DAAM2: variants seen among roughly 807,000 people sequenced by gnomAD.
The protein encoded by DAAM2 is disheveled-associated activator of morphogenesis 2.
A neutral mutation model predicts 120.7 loss-of-function variants in DAAM2; 39 were observed. That is an observed-to-expected ratio of 0.32 (90% CI 0.25 to 0.42). DAAM2 has a LOEUF of 0.42. DAAM2 is among the 10% of genes least tolerant of loss of function. The pLI is 1.00. For synonymous variants in DAAM2, 488 were observed against 524.9 expected (o/e 0.93, Z 0.96); for missense variants, 1,283 against 1,401.7 (o/e 0.92, Z 1.35).
chr6:39,796,957 C>T (rs9471167), intron 1 of DAAM2, among the ~76,000 whole-genome samples: 2,690 of 152,234 alleles, frequency 0.018, 79 homozygotes, highest in African/African-American at 0.06. Flanking sequence ...GTTCTAAGTC[C>T]GTGAAAATAC....
chr6:39,879,708 T>C, intron 14 of DAAM2: 1 of 611,662 alleles, frequency 1.6e-6, no homozygotes, highest in South Asian at 1.9e-5. Context: ...GTTGACAAAG[T>C]CATCTACAAA....
chr6:39,846,385 G>A (rs1209988242), intron 1 of DAAM2, among the ~76,000 whole-genome samples: 1 of 152,148 alleles, frequency 6.6e-6, no homozygotes, highest in Non-Finnish European at 1.5e-5. Flanking sequence ...TCTAGTGATG[G>A]GGTAGAAGAA....
At chr6:39,802,384 C>A (rs957995557) in intron 1 of DAAM2, among the ~76,000 whole-genome samples, 8 of 152,082 alleles carry the variant, frequency 5.3e-5, no homozygotes, top group Admixed American at 3.3e-4. Context: ...CTCTCTGTGC[C>A]TTAGTTTCCT....
intron 17 of DAAM2, among the ~76,000 whole-genome samples, chr6:39,889,744 C>G (rs1359357342): frequency 6.6e-6 from 1 of 152,134 alleles, no homozygotes. Flanking sequence ...GATAAACAAC[C>G]AATTAACACA....
chr6:39,798,688 A>G (rs1179958283), intron 1 of DAAM2, among the ~76,000 whole-genome samples: 1 of 152,166 alleles, frequency 6.6e-6, no homozygotes, highest in Non-Finnish European at 1.5e-5. Context: ...TCTCAAGAAC[A>G]GTGCACCTGT....
rs370249895 is a variant in DAAM2 at position 39,902,006 on chromosome 6, G to A, written c.3176G>A (p.Arg1059Gln). The change falls in exon 25 of 25, where the codon CGG becomes CAG. Residue 1059 changes from arginine to glutamine, a missense_variant. Arg to Gln is a conservative substitution (Grantham distance 43). Around this residue, in one of 3 missense-constraint regions of DAAM2, gnomAD observed 748 missense variants for 768.6 expected, o/e 0.97. Coordinates refer to ENST00000274867, the MANE Select transcript of DAAM2 (RefSeq NM_001201427.2). ...GGGAGCCAGGCCCTGGAAGTTACCC[G>A]GGAGCGGGCAATAAACCGGCTAAAT... is the stretch of plus-strand genomic sequence containing the variant. ...RSGSQALEVT[R>Q]ERAINRLNY is the part of the protein sequence containing the mutation. The A allele has an allele frequency of 3.8e-5, 61 of 1,610,546 alleles. No individual in the cohort carries two copies. The highest frequency in any genetic ancestry group is 2.5e-4 in the Admixed American group (15 of 59,714).
chr6:39,842,346 A>G (rs1028260573), intron 1 of DAAM2, among the ~76,000 whole-genome samples: 51 of 152,156 alleles, frequency 3.4e-4, no homozygotes, highest in African/African-American at 1.1e-3. Flanking sequence ...AAAAACATAC[A>G]CGTGGCCAGG....
In DAAM2 at chr6:39,879,179, C is replaced by T; in HGVS notation, c.1547C>T (p.Thr516Ile). 6.5e-7 allele frequency: 1 copy of T among 1,543,768 alleles called. No individual in the cohort carries two copies. Among genetic ancestry groups the T allele is most frequent in the Non-Finnish European group, 8.7e-7 (1 of 1,142,960 alleles). Residue 516 changes from threonine to isoleucine, a missense_variant and splice_region_variant, in exon 14 of 25, where the codon ACA becomes ATA. By Grantham distance (89) the Thr-to-Ile change is moderately conservative. Around this residue, in one of 3 missense-constraint regions of DAAM2, gnomAD observed 748 missense variants for 768.6 expected, o/e 0.97. Transcript: ENST00000274867. Reference protein sequence around the residue: ...ELVAQLSELSTGPVSSPPPPG... With the variant: ...ELVAQLSELSIGPVSSPPPPG... ...TGCAATTTTTCTGTTTCCTCACAGA[C>T]AGGCCCTGTATCTTCCCCACCACCC...
chr6:39,824,353 C>T (rs1762592885), intron 1 of DAAM2, among the ~76,000 whole-genome samples: 1 of 152,178 alleles, frequency 6.6e-6, no homozygotes, highest in Non-Finnish European at 1.5e-5. Flanking sequence ...AGGATCTGGT[C>T]ACCTGTTGGT....
chr6:39,795,327 G>A (rs748373166), intron 1 of DAAM2, among the ~76,000 whole-genome samples: 2 of 152,332 alleles, frequency 1.3e-5, no homozygotes, highest in African/African-American at 2.4e-5. Context: ...CAGAGACTCT[G>A]TCAAGGATCC....
At chr6:39,845,105 A>C (rs1763512314) in intron 1 of DAAM2, among the ~76,000 whole-genome samples, 1 of 150,396 alleles carries the variant, frequency 6.6e-6, no homozygotes, top group African/African-American at 2.5e-5. Flanking sequence ...TACCATACAC[A>C]CATACCACAT....
intron 1 of DAAM2, among the ~76,000 whole-genome samples, chr6:39,805,180 G>A (rs993464655): frequency 6.6e-6 from 1 of 152,150 alleles, no homozygotes; most frequent in Non-Finnish European, 1.5e-5. Flanking sequence ...GTGCTTCCAG[G>A]AGAAGTTTTG....
At chr6:39,816,808 A>G (rs1171060537) in intron 1 of DAAM2, among the ~76,000 whole-genome samples, 1 of 152,206 alleles carries the variant, frequency 6.6e-6, no homozygotes, top group Non-Finnish European at 1.5e-5. Flanking sequence ...TCTGCAGTGG[A>G]GCCAAGGACA....
intron 2 of DAAM2, 122 bp downstream of exon 2, chr6:39,856,592 G>A: frequency 4.1e-6 from 3 of 736,432 alleles, no homozygotes; most frequent in Non-Finnish European, 6.0e-6. Flanking sequence ...CTCTTGGGAG[G>A]AGATAGGCCC....
In DAAM2 at chr6:39,901,777, CTGAGAGGGTTCCT is replaced by C; in HGVS notation, c.2983-35_2983-23del. 1 of 1,490,414 alleles carries C rather than the reference CTGAGAGGGTTCCT, an allele frequency of 6.7e-7. No individual in the cohort carries two copies. The allele number at this position is 1,490,414 out of a possible 1,614,324, so 92.3% of individuals were successfully genotyped here. On this transcript the variant is annotated intron_variant, in intron 24 of 24. Transcript: ENST00000274867. The surrounding 1 kb of genome is among the most constrained non-coding windows in gnomAD (Gnocchi z 4.5). The stretch of plus-strand genomic sequence containing the variant: ...GCTGCCCTGGCCTCAGCGCCTCTCC[CTGAGAGGGTTCCT>C]ATCTTTGGCCCCCCGCCCGCAGCTG...
chr6:39,869,014 A>G lies in DAAM2; in HGVS notation c.873+81A>G, dbSNP rs9471196. 5,789 of 1,076,842 alleles carry G rather than the reference A, an allele frequency of 5.4e-3. 161 individuals are homozygous for G. In the African/African-American group the frequency reaches 0.069, roughly 13 times the overall value. 66.7% of individuals were successfully genotyped at this position (1,076,842 alleles called of 1,614,324 possible). A position where few individuals can be genotyped will look rare whatever the true frequency, so the allele number is the denominator to read the frequency against. ...AGTGTGTGAGTGTGTTGCTTCCCCA[A>G]TAATTGTTTTTGCTATTAAACCTGG... On this transcript the variant is annotated intron_variant, in intron 7 of 24. Transcript: ENST00000274867.
At chr6:39,816,956 T>C (rs1268434922) in intron 1 of DAAM2, among the ~76,000 whole-genome samples, 1 of 152,266 alleles carries the variant, frequency 6.6e-6, no homozygotes, top group East Asian at 1.9e-4. Flanking sequence ...TGAGAAGTTT[T>C]TCAAAATCGT....
rs906340757 is a variant in DAAM2 at position 39,904,222 on chromosome 6, G to A, written c.*2185G>A. 2 of 456,652 alleles carry A rather than the reference G, an allele frequency of 4.4e-6. No individual in the cohort carries two copies. The highest frequency in any genetic ancestry group is 4.0e-5 in the African/African-American group (2 of 50,096). 28.3% of individuals were successfully genotyped at this position (456,652 alleles called of 1,614,324 possible). On this transcript the variant is annotated 3_prime_UTR_variant, in exon 25 of 25. Coordinates refer to ENST00000274867, the MANE Select transcript of DAAM2 (RefSeq NM_001201427.2). Reference sequence around the variant, plus strand: ...GCAGAATTTGGTTCAACTGTTGACAGAGGACACAAATACGTTGTTCCAGAG... The same window carrying A: ...GCAGAATTTGGTTCAACTGTTGACAAAGGACACAAATACGTTGTTCCAGAG...
intron 15 of DAAM2, chr6:39,886,884 C>T (rs3008808): frequency 0.57 from 93,597 of 164,448 alleles, 27,117 homozygotes; most frequent in East Asian, 0.78. Context: ...AGGAGTGGGG[C>T]GGGATCAATG....
Sources: gnomAD v4.1 joint callset for allele counts (sites outside exome capture counted in the v4.1 genomes callset) on GRCh38, gnomAD v4.1.1 for gene constraint, gnomAD v4.1.1 regional missense constraint, Gnocchi (gnomAD v3.1) non-coding constraint, MANE v1.5 for transcripts, NCBI Gene and HGNC (gene_info 2026-07-23, HGNC 2026-07-21) for gene names.